VPS37A: variants seen among roughly 807,000 people sequenced by gnomAD.
The protein encoded by VPS37A is VPS37A subunit of ESCRT-I, also known as vacuolar protein sorting-associated protein 37A.
In VPS37A, 30 loss-of-function variants were observed where a neutral mutation model predicts 49.8. The observed-to-expected ratio is 0.60, with a 90% confidence interval of 0.45 to 0.82. The LOEUF is 0.82. VPS37A is among the 40% of genes least tolerant of loss of function. The probability of loss-of-function intolerance (pLI) is 0.00; values close to 1 mark genes in which losing one functional copy is unlikely to be tolerated. For synonymous variants in VPS37A, 195 were observed against 160.6 expected (o/e 1.21, Z -1.62); for missense variants, 593 against 464.4 (o/e 1.28, Z -2.55).
At chr8:17,251,435 C>G (rs1050387372) in intron 1 of VPS37A, among the ~76,000 whole-genome samples, 17 of 152,200 alleles carry the variant, frequency 1.1e-4, no homozygotes, top group African/African-American at 2.9e-4. Flanking sequence ...GGAAGAGTAT[C>G]TAGCACATAG....
intron 11 of VPS37A, chr8:17,286,660 A>G (rs910399320): frequency 1.9e-5 from 8 of 425,266 alleles, no homozygotes; most frequent in African/African-American, 1.6e-4. Flanking sequence ...TTTTTTTAAC[A>G]TTAGCTGCTA....
chr8:17,247,005 T>TGAAG lies in VPS37A; in HGVS notation c.-238_-235dup. The TGAAG allele has an allele frequency of 1.8e-6, 1 of 552,066 alleles. No individual in the cohort carries two copies. The highest frequency in any genetic ancestry group is 3.2e-6 in the Non-Finnish European group (1 of 312,658). The allele number at this position is 552,066 out of a possible 1,614,324, so 34.2% of individuals were successfully genotyped here. On this transcript the variant is annotated 5_prime_UTR_variant, in exon 1 of 12. Coordinates refer to ENST00000324849, the MANE Select transcript of VPS37A (RefSeq NM_152415.3). Reference sequence around the variant, plus strand: ...CTGGCCGGTTTGGGCGTCTGGGCCGTGAAGGTGGGACCTCCTGTTCCGGGC... The same window carrying TGAAG: ...CTGGCCGGTTTGGGCGTCTGGGCCGTGAAGGAAGGTGGGACCTCCTGTTCCGGGC...
At chr8:17,313,366 G>T in the VPS37A span, 1 of 1,612,488 alleles carries the variant, frequency 6.2e-7, no homozygotes, top group Non-Finnish European at 8.5e-7. Flanking sequence ...AGACCCCACA[G>T]GAAATCACTC....
At chr8:17,263,251 CT>C (rs1388296521) in intron 1 of VPS37A, among the ~76,000 whole-genome samples, 5 of 151,064 alleles carry the variant, frequency 3.3e-5, no homozygotes, top group Non-Finnish European at 5.9e-5. Flanking sequence ...TTTTTGGCAA[CT>C]TTTTTTTAAT....
Position 17,268,342 on chromosome 8 carries a change from A to C in VPS37A, c.285A>C (p.Gly95=), listed in dbSNP as rs1472996987. ...PIRHHLMDKQ[G]VYVTSPLVNN... ...GACATCACTTAATGGATAAACAAGG[A>C]GTGTATGTTACCTCTCCATTAGTAA... Residue 95 remains glycine (G), a synonymous_variant, in exon 3 of 12, where the codon GGA becomes GGC. Transcript: ENST00000324849. 1 of 1,612,856 alleles carries C rather than the reference A, an allele frequency of 6.2e-7. No homozygotes were observed. Among genetic ancestry groups the C allele is most frequent in the Non-Finnish European group, 8.5e-7 (1 of 1,179,332 alleles).
At chr8:17,258,358 G>C (rs998933851) in intron 1 of VPS37A, among the ~76,000 whole-genome samples, 3 of 152,030 alleles carry the variant, frequency 2.0e-5, no homozygotes, top group Admixed American at 2.0e-4. Flanking sequence ...AATCACAAAG[G>C]ATTTTATTGA....
the VPS37A span, among the ~76,000 whole-genome samples, chr8:17,316,408 C>T: frequency 6.6e-6 from 1 of 151,088 alleles, no homozygotes; most frequent in African/African-American, 2.4e-5. Context: ...ATTATTTATC[C>T]ATCCCCCTAC....
chr8:17,325,102 T>A, the VPS37A span, among the ~76,000 whole-genome samples: 1 of 152,100 alleles, frequency 6.6e-6, no homozygotes, highest in African/African-American at 2.4e-5. Flanking sequence ...GAAGAATGTG[T>A]CGAGCAAAAG....
rs150536607 is a variant in VPS37A, at chr8:17,279,811, TTA to T, written c.714-216_714-215del. 0.02 allele frequency: 12,704 copies of T among 626,822 alleles called. 195 individuals carry two copies. The highest frequency in any genetic ancestry group is 0.024 in the Non-Finnish European group (8,300 of 345,618). 38.8% of individuals were successfully genotyped at this position (626,822 alleles called of 1,614,324 possible). A position where few individuals can be genotyped will look rare whatever the true frequency, so the allele number is the denominator to read the frequency against. ...ATATCCATTGGACCAAAATTTACTT[TTA>T]CAGATTCTGTCAAGAATATATTACA... On this transcript the variant is annotated intron_variant, in intron 6 of 11. Coordinates refer to ENST00000324849, the MANE Select transcript of VPS37A (RefSeq NM_152415.3).
chr8:17,317,696 G>A, the VPS37A span, among the ~76,000 whole-genome samples: 9 of 152,150 alleles, frequency 5.9e-5, no homozygotes, highest in African/African-American at 1.7e-4. Flanking sequence ...GCTACTACTC[G>A]TTTCAGAGAT....
chr8:17,313,315 C>G, the VPS37A span: 1 of 1,612,450 alleles, frequency 6.2e-7, no homozygotes, highest in Non-Finnish European at 8.5e-7. Context: ...ATTCCTGCAT[C>G]CATTATGGCT....
At chr8:17,298,341 C>T (rs767017363), downstream of VPS37A, 1 of 152,010 alleles carries the variant, frequency 6.6e-6, no homozygotes, top group Non-Finnish European at 1.5e-5. Flanking sequence ...GAATTAATTA[C>T]ACTTGCTTTA....
chr8:17,312,932 T>C, the VPS37A span, among the ~76,000 whole-genome samples: 4 of 152,344 alleles, frequency 2.6e-5, no homozygotes, highest in East Asian at 7.7e-4. Context: ...CTTTTGCTTA[T>C]GCCATGACTA....
At chr8:17,266,469 A>C (rs970125514) in intron 2 of VPS37A, among the ~76,000 whole-genome samples, 13 of 152,196 alleles carry the variant, frequency 8.5e-5, no homozygotes, top group Admixed American at 6.5e-4. Flanking sequence ...TGAGGGTTTT[A>C]CTTAAGTTAC....
At chr8:17,305,849 A>AT, downstream of VPS37A, 1 of 1,613,686 alleles carries the variant, frequency 6.2e-7, no homozygotes, top group South Asian at 1.1e-5. Context: ...AAAACCTCTC[A>AT]TTGAACTCAA....
chr8:17,312,172 C>T, the VPS37A span, among the ~76,000 whole-genome samples: 1 of 152,342 alleles, frequency 6.6e-6, no homozygotes, highest in African/African-American at 2.4e-5. Context: ...TGCAAATGCA[C>T]ATCATTTTTT....
chr8:17,268,779 A>G, intron 3 of VPS37A, 77 bp from the exon 4 acceptor site: 2 of 955,216 alleles, frequency 2.1e-6, no homozygotes, highest in Non-Finnish European at 3.2e-6. Flanking sequence ...GTTAATATTT[A>G]GAGTGACATT....
the VPS37A span, among the ~76,000 whole-genome samples, chr8:17,311,117 A>T: frequency 6.6e-6 from 1 of 152,222 alleles, no homozygotes; most frequent in African/African-American, 2.4e-5. Flanking sequence ...GACTTTTGGC[A>T]TACACAATAT....
intron 9 of VPS37A, among the ~76,000 whole-genome samples, chr8:17,283,099 A>G (rs771316012): frequency 5.3e-5 from 8 of 152,208 alleles, no homozygotes; most frequent in Non-Finnish European, 7.3e-5. Flanking sequence ...GCAATGAGAA[A>G]ATGGTGCATT....
Sources: allele counts gnomAD v4.1 joint callset (sites outside exome capture counted in the v4.1 genomes callset), GRCh38; gene constraint gnomAD v4.1.1; transcripts MANE v1.5; gene names NCBI Gene and HGNC (gene_info 2026-07-23, HGNC 2026-07-21).